The following NT5DC4 variants were observed in gnomAD, a reference collection of about 807,000 sequenced individuals.
The protein encoded by NT5DC4 is 5'-nucleotidase domain containing 4.
NT5DC4 carries 44 observed loss-of-function variants against 26.6 expected under a neutral mutation model. The ratio of observed to expected loss-of-function variants is 1.65; its 90% CI spans 1.30 to 2.13. The LOEUF is 2.13. Ranked by LOEUF, NT5DC4 falls within the 30% of genes most tolerant of loss-of-function variation. The pLI, the probability that NT5DC4 is intolerant of heterozygous loss-of-function variation, is 0.00. For synonymous variants in NT5DC4, 157 were observed against 86.7 expected, an observed-to-expected ratio of 1.81 and a Z score of -4.51; for missense variants, 399 against 228.1, an observed-to-expected ratio of 1.75 and a Z score of -4.83.
At chr2:112,736,162 C>CGGGCTTA (rs1679142080) in intron 16 of NT5DC4, among the ~76,000 whole-genome samples, 2 of 152,108 alleles carry the variant, frequency 1.3e-5, no homozygotes, top group South Asian at 4.1e-4. Context: ...ACCTGGTCGA[C>CGGGCTTA]GGGCTTAGGA....
downstream of NT5DC4, among the ~76,000 whole-genome samples, chr2:112,739,810 A>G (rs763184615): frequency 6.6e-6 from 1 of 152,160 alleles, no homozygotes; most frequent in African/African-American, 2.4e-5. Context: ...GTATGCCAGC[A>G]TGCCTGGCTA....
downstream of NT5DC4, among the ~76,000 whole-genome samples, chr2:112,739,705 A>G (rs182364683): frequency 1.7e-3 from 264 of 152,324 alleles, 1 homozygote; most frequent in Non-Finnish European, 2.1e-3. Context: ...CCCAGGCTAG[A>G]GTCCAGTGGT....
At chr2:112,723,360 T>TGCAC in intron 7 of NT5DC4, 58 bp from the exon 8 acceptor site, 1 of 191,968 alleles carries the variant, frequency 5.2e-6, no homozygotes, top group South Asian at 5.5e-5. Context: ...TGGGTACACA[T>TGCAC]GCACACACAC....
downstream of NT5DC4, among the ~76,000 whole-genome samples, chr2:112,739,665 T>C (rs1419931564): frequency 1.3e-5 from 2 of 152,242 alleles, no homozygotes; most frequent in Non-Finnish European, 2.9e-5. Flanking sequence ...TCTAGCTTTT[T>C]CTTTTTAAAG....
At position 112,722,325 on chromosome 2, in the gene NT5DC4, C is replaced by T. The variant is rs941468131; in HGVS notation, c.362+47C>T. 1.3e-5 allele frequency: 9 copies of T among 716,212 alleles called. No individual in the cohort carries two copies. In the African/African-American group the frequency reaches 1.4e-4, roughly 11 times the overall value. The allele number at this position is 716,212 out of a possible 1,614,324, so 44.4% of individuals were successfully genotyped here. A position where few individuals can be genotyped will look rare whatever the true frequency, so the allele number is the denominator to read the frequency against. ...AGAGTGGCAGGCCAGGAGGGGAGGA[C>T]TGCTCACCTTGGGGGAGGACAGAGG... On this transcript the variant is annotated intron_variant, in intron 4 of 16. Transcript: ENST00000688554.
Position 112,729,723 on chromosome 2 carries a change from C to T in NT5DC4, c.1344+19C>T, listed in dbSNP as rs1401082871. The T allele has an allele frequency of 2.1e-5, 15 of 717,428 alleles. No individual in the cohort carries two copies. The highest frequency in any genetic ancestry group is 2.9e-5 in the Non-Finnish European group (11 of 385,062). 44.4% of individuals were successfully genotyped at this position (717,428 alleles called of 1,614,324 possible). A position where few individuals can be genotyped will look rare whatever the true frequency, so the allele number is the denominator to read the frequency against. ...CCAGAGGGTGAGTGGCTGTGGCCGACGAACTCTGTGGCTTGGGGTCCCATG... is the reference window on the plus strand; with the variant it reads ...CCAGAGGGTGAGTGGCTGTGGCCGATGAACTCTGTGGCTTGGGGTCCCATG... On this transcript the variant is annotated intron_variant, in intron 16 of 16. Transcript: ENST00000688554.
At chr2:112,728,249 T>C (rs1474227600) in intron 15 of NT5DC4, among the ~76,000 whole-genome samples, 2 of 152,230 alleles carry the variant, frequency 1.3e-5, no homozygotes, top group Non-Finnish European at 2.9e-5. Flanking sequence ...ATCTCGTCAT[T>C]TCCTTGGTAG....
Position 112,738,928 on chromosome 2 carries a change from C to T in NT5DC4, c.1360C>T (p.His454Tyr). 3.1e-6 allele frequency: 5 copies of T among 1,614,070 alleles called. No homozygotes were observed. Among genetic ancestry groups the T allele is most frequent in the Non-Finnish European group, 4.2e-6 (5 of 1,179,968 alleles). Residue 454 changes from histidine (H) to tyrosine (Y), a missense_variant, in exon 17 of 17, where the codon CAC becomes TAC. His to Tyr is a moderately conservative substitution (Grantham distance 83). Transcript: ENST00000688554. Reference protein sequence around the residue: ...SCNQRFIKRSHY With the variant: ...SCNQRFIKRSYY Reference sequence around the variant, plus strand: ...CTTCTAACAGTTCATCAAGAGAAGCCACTACTAAATCGTGTTCCTGCAGCA... The same window carrying T: ...CTTCTAACAGTTCATCAAGAGAAGCTACTACTAAATCGTGTTCCTGCAGCA...
At chr2:112,742,276 T>G, downstream of NT5DC4, 1 of 674,972 alleles carries the variant, frequency 1.5e-6, no homozygotes, top group African/African-American at 1.8e-5. Context: ...TTATGACCAC[T>G]GACAGTGATG....
chr2:112,724,173 G>A (rs1426078573), intron 10 of NT5DC4, 47 bp downstream of exon 10: 2 of 716,616 alleles, frequency 2.8e-6, no homozygotes, highest in Admixed American at 4.0e-5. Flanking sequence ...GCTGTGCAAA[G>A]GGCCAGGGTG....
intron 13 of NT5DC4, 53 bp from the exon 14 acceptor site, chr2:112,726,185 A>G (rs1201337405): frequency 1.4e-6 from 1 of 716,432 alleles, no homozygotes; most frequent in Non-Finnish European, 2.6e-6. Flanking sequence ...AGGCAGGGCC[A>G]GTGGGTGACA....
chr2:112,724,673 A>T (rs1677450985), intron 10 of NT5DC4, 108 bp from the exon 11 acceptor site: 2 of 667,592 alleles, frequency 3.0e-6, no homozygotes, highest in Non-Finnish European at 5.5e-6. Flanking sequence ...AAGAGGTCTC[A>T]TCCAGCTGGG....
At chr2:112,738,882 T>G in intron 16 of NT5DC4, 31 bp from the exon 17 acceptor site, 2 of 1,614,122 alleles carry the variant, frequency 1.2e-6, no homozygotes, top group Non-Finnish European at 8.5e-7. Flanking sequence ...CTACGGAATA[T>G]AAAACATTTT....
intron 16 of NT5DC4, among the ~76,000 whole-genome samples, chr2:112,730,555 G>C (rs1328563950): frequency 1.3e-5 from 2 of 152,168 alleles, no homozygotes; most frequent in African/African-American, 4.8e-5. Flanking sequence ...GACACTTTGT[G>C]AGGCTTGACC....
rs1285220741 is a variant in NT5DC4 at position 112,722,742 on chromosome 2, C to T, written c.498C>T (p.Asp166=). 1 of 717,608 alleles carries T rather than the reference C, an allele frequency of 1.4e-6. No homozygotes were observed. The highest frequency in any genetic ancestry group is 1.7e-5 in the African/African-American group (1 of 57,244). The allele number at this position is 717,608 out of a possible 1,614,324, so 44.5% of individuals were successfully genotyped here. A position where few individuals can be genotyped will look rare whatever the true frequency, so the allele number is the denominator to read the frequency against. Reference sequence around the variant, plus strand: ...CCTACCTCTATGCCTGCTTGGTGGACTTCTTCTCTGGCTGCTCCCGTTACA... The same window carrying T: ...CCTACCTCTATGCCTGCTTGGTGGATTTCTTCTCTGGCTGCTCCCGTTACA... The part of the protein sequence containing the change: ...PETYLYACLV[D]FFSGCSRYTN... The change falls in exon 6 of 17, where the codon GAC becomes GAT. Residue 166 remains aspartate (D), a synonymous_variant. Transcript: ENST00000688554.
chr2:112,735,905 A>T (rs1458811987), intron 16 of NT5DC4, among the ~76,000 whole-genome samples: 3 of 152,184 alleles, frequency 2.0e-5, no homozygotes, highest in South Asian at 4.1e-4. Flanking sequence ...GTTGGTACCC[A>T]GGGTAATACT....
intron 10 of NT5DC4, 96 bp from the exon 11 acceptor site, chr2:112,724,685 G>A: frequency 2.9e-6 from 2 of 678,652 alleles, no homozygotes; most frequent in Non-Finnish European, 5.5e-6. Context: ...CCAGCTGGGA[G>A]GTTGGTGGGG....
chr2:112,721,742 C>T, intron 1 of NT5DC4, 76 bp from the exon 2 acceptor site: 1 of 716,730 alleles, frequency 1.4e-6, no homozygotes, highest in South Asian at 1.5e-5. Context: ...TGCGGGGTTT[C>T]CACCCCCTCT....
In NT5DC4 at chr2:112,723,394, C is replaced by CACACACACACACACAG. The variant is rs752115339; in HGVS notation, c.622-23_622-22insCACACACACACACAGA. 2.5e-4 allele frequency: 179 copies of CACACACACACACACAG among 716,084 alleles called. No individual in the cohort carries two copies. In the African/African-American group the frequency reaches 2.9e-3, roughly 12 times the overall value. 44.4% of individuals were successfully genotyped at this position (716,084 alleles called of 1,614,324 possible). A position where few individuals can be genotyped will look rare whatever the true frequency, so the allele number is the denominator to read the frequency against. On this transcript the variant is annotated intron_variant, in intron 7 of 16. Coordinates refer to ENST00000688554, the MANE Select transcript of NT5DC4 (RefSeq NM_001393655.1). ...ACACACACACACACACACACACACA[C>CACACACACACACACAG]AGGCACTTTGCTCCCTCCTGCAGGG...
Sources: allele counts gnomAD v4.1 joint callset (sites outside exome capture counted in the v4.1 genomes callset), GRCh38; gene constraint gnomAD v4.1.1; transcripts MANE v1.5; gene names NCBI Gene and HGNC (gene_info 2026-07-23, HGNC 2026-07-21).